SLC35F4: variants seen among roughly 807,000 people sequenced by gnomAD.
The protein encoded by SLC35F4 is solute carrier family 35 member F4.
Under a neutral mutation model 44.2 loss-of-function variants are expected in SLC35F4, and 24 were observed. The observed-to-expected ratio is 0.54, with a 90% CI of 0.39 to 0.76. SLC35F4 has a LOEUF of 0.76. SLC35F4 is among the 30% of genes least tolerant of loss of function. The pLI, the probability that SLC35F4 is intolerant of heterozygous loss-of-function variation, is 0.00. For missense variants in SLC35F4, 562 were observed against 586.1 expected, an observed-to-expected ratio of 0.96 and a Z score of 0.42; for synonymous variants, 238 against 223.6, an observed-to-expected ratio of 1.06 and a Z score of -0.57.
chr14:57,725,258 G>A (rs1190432876), intron 1 of SLC35F4, among the ~76,000 whole-genome samples: 1 of 152,144 alleles, frequency 6.6e-6, no homozygotes, highest in East Asian at 1.9e-4. Context: ...CAGCAACATG[G>A]ACTTCCACTC....
At chr14:57,717,066 C>T (rs1336040421) in intron 1 of SLC35F4, among the ~76,000 whole-genome samples, 1 of 152,092 alleles carries the variant, frequency 6.6e-6, no homozygotes, top group African/African-American at 2.4e-5. Flanking sequence ...TAATAGTATT[C>T]CATTGTGTAT....
chr14:57,864,682 A>G (rs1403222867), intron 1 of SLC35F4, among the ~76,000 whole-genome samples: 1 of 152,260 alleles, frequency 6.6e-6, no homozygotes, highest in Non-Finnish European at 1.5e-5. Context: ...TCAGAAATGC[A>G]TCTAGGAGCT....
Position 57,865,883 on chromosome 14 carries a change from C to A in SLC35F4, c.-58G>T. The A allele has an allele frequency of 1.5e-6, 2 of 1,295,300 alleles. No individual in the cohort carries two copies. The highest frequency in any genetic ancestry group is 1.4e-5 in the South Asian group (1 of 71,242). The allele number at this position is 1,295,300 out of a possible 1,614,324, so 80.2% of individuals were successfully genotyped here. A position where few individuals can be genotyped will look rare whatever the true frequency, so the allele number is the denominator to read the frequency against. ...GGGGCGGAGAGCGCAGCGCGGGGCCCGGGAGCTGGTGCAGGTGCCGGAGCC... is the reference window on the plus strand; with the variant it reads ...GGGGCGGAGAGCGCAGCGCGGGGCCAGGGAGCTGGTGCAGGTGCCGGAGCC... On this transcript the variant is annotated 5_prime_UTR_variant, in exon 1 of 8. Transcript: ENST00000556826.
intron 1 of SLC35F4, among the ~76,000 whole-genome samples, chr14:57,696,312 A>G (rs1046988842): frequency 2.0e-5 from 3 of 152,222 alleles, no homozygotes; most frequent in East Asian, 1.9e-4. Context: ...ACAAACATGA[A>G]AAAAAGCTCA....
At chr14:57,601,341 A>C (rs1252577398) in intron 1 of SLC35F4, among the ~76,000 whole-genome samples, 2 of 152,084 alleles carry the variant, frequency 1.3e-5, no homozygotes, top group African/African-American at 4.8e-5. Context: ...CTTTTATTTT[A>C]GATTCAGAGG....
At chr14:57,884,619 C>T (rs1953592044) in intron 1 of SLC35F4, among the ~76,000 whole-genome samples, 1 of 152,120 alleles carries the variant, frequency 6.6e-6, no homozygotes, top group South Asian at 2.1e-4. Flanking sequence ...CAGAGAGAAA[C>T]TCTCTGAAGC....
At chr14:57,967,727 T>A (rs188992306) in intron 1 of SLC35F4, among the ~76,000 whole-genome samples, 313 of 152,294 alleles carry the variant, frequency 2.1e-3, no homozygotes, top group Non-Finnish European at 2.8e-3. Context: ...TGTAAGTTGG[T>A]GTAGAGTTAA....
intron 1 of SLC35F4, among the ~76,000 whole-genome samples, chr14:57,641,319 GAGACAGCCCCAGAATA>G (rs560540299): frequency 5.9e-5 from 9 of 151,678 alleles, no homozygotes; most frequent in Non-Finnish European, 7.4e-5. Flanking sequence ...AAAGCCAACT[GAGACAGCCCCAGAATA>G]AGACAGCCCC....
chr14:57,593,777 T>C (rs754799127), intron 2 of SLC35F4, among the ~76,000 whole-genome samples, 162 bp downstream of exon 2: 6 of 152,238 alleles, frequency 3.9e-5, no homozygotes, highest in Non-Finnish European at 8.8e-5. Context: ...AGATTGTATC[T>C]ATATATTTCC....
intron 1 of SLC35F4, among the ~76,000 whole-genome samples, chr14:57,792,882 C>T (rs375485400): frequency 2.7e-5 from 4 of 149,560 alleles, no homozygotes; most frequent in Non-Finnish European, 5.9e-5. Flanking sequence ...AAAGAATTTA[C>T]TCATGTAACC....
At chr14:57,838,515 T>C (rs1261735166) in intron 1 of SLC35F4, among the ~76,000 whole-genome samples, 2 of 152,180 alleles carry the variant, frequency 1.3e-5, no homozygotes, top group Non-Finnish European at 2.9e-5. Flanking sequence ...TTACTGAGCT[T>C]TGCTACATGA....
At chr14:57,803,223 A>G (rs2078233908) in intron 1 of SLC35F4, among the ~76,000 whole-genome samples, 1 of 152,208 alleles carries the variant, frequency 6.6e-6, no homozygotes, top group African/African-American at 2.4e-5. Flanking sequence ...ATCTCAATAG[A>G]TGCAGAAAAG....
At chr14:57,622,672 G>A (rs1171836761) in intron 1 of SLC35F4, among the ~76,000 whole-genome samples, 8 of 152,118 alleles carry the variant, frequency 5.3e-5, no homozygotes, top group Non-Finnish European at 1.2e-4. Flanking sequence ...ACTGTTGTGG[G>A]GTTGGGGGAG....
chr14:57,887,879 ACACATG>A (rs1455610529), intron 1 of SLC35F4, among the ~76,000 whole-genome samples: 1 of 152,206 alleles, frequency 6.6e-6, no homozygotes, highest in Non-Finnish European at 1.5e-5. Context: ...CAACACACAC[ACACATG>A]CACATGCACA....
At chr14:57,815,017 A>G (rs1346975722) in intron 1 of SLC35F4, among the ~76,000 whole-genome samples, 1 of 152,170 alleles carries the variant, frequency 6.6e-6, no homozygotes, top group Non-Finnish European at 1.5e-5. Flanking sequence ...GATTTCATTG[A>G]ATACAGTCAT....
intron 1 of SLC35F4, among the ~76,000 whole-genome samples, chr14:57,834,208 T>C (rs894644307): frequency 6.6e-5 from 10 of 152,246 alleles, no homozygotes; most frequent in Admixed American, 5.2e-4. Flanking sequence ...AAGGACTGAG[T>C]TGGTAAAAAT....
In SLC35F4 at chr14:57,569,801, T is replaced by C; in HGVS notation, c.1113A>G (p.Ala371=). The C allele has an allele frequency of 6.2e-7, 1 of 1,602,088 alleles. No individual in the cohort carries two copies. The highest frequency in any genetic ancestry group is 8.5e-7 in the Non-Finnish European group (1 of 1,175,818). ...GAGGCCACTTACCCAGCCACAGCCCTGCCATCCCACAGAGACAGCCCCATG... is the reference window on the plus strand; with the variant it reads ...GAGGCCACTTACCCAGCCACAGCCCCGCCATCCCACAGAGACAGCCCCATG... ...ALPWGCLCGM[A]GLWLAFNILV... Residue 371 remains alanine, a synonymous_variant, in exon 6 of 8, where the codon GCA becomes GCG. Transcript: ENST00000556826.
At chr14:57,739,486 C>T (rs924848431) in intron 1 of SLC35F4, among the ~76,000 whole-genome samples, 64 of 152,166 alleles carry the variant, frequency 4.2e-4, no homozygotes, top group Admixed American at 4.2e-3. Context: ...GTGCCGTTTC[C>T]ACAAGCAAGA....
chr14:57,892,842 AG>A (rs1888799498), intron 1 of SLC35F4, among the ~76,000 whole-genome samples: 1 of 152,212 alleles, frequency 6.6e-6, no homozygotes, highest in Non-Finnish European at 1.5e-5. Context: ...ACAAAAAAAA[AG>A]TTCTCTCTGT....
Sources: allele counts gnomAD v4.1 joint callset (sites outside exome capture counted in the v4.1 genomes callset), GRCh38; gene constraint gnomAD v4.1.1; transcripts MANE v1.5; gene names NCBI Gene and HGNC (gene_info 2026-07-23, HGNC 2026-07-21).